FXYD6: variants seen among roughly 807,000 people sequenced by gnomAD.
FXYD6 encodes FXYD domain containing ion transport regulator 6.
In FXYD6, 7 loss-of-function variants were observed where a neutral mutation model predicts 16.7. The observed-to-expected ratio is 0.42, with a 90% CI of 0.24 to 0.79. The LOEUF (loss-of-function observed/expected upper bound fraction) is 0.79, where lower values mean the gene tolerates loss of function less well. Among genes scored for constraint, FXYD6 ranks in the 30% least tolerant of loss-of-function variants. FXYD6 has a pLI of 0.28. For synonymous variants in FXYD6, 49 were observed against 43.0 expected (o/e 1.14, Z -0.54); for missense variants, 111 against 116.2 (o/e 0.95, Z 0.21).
chr11:117,856,072 T>C (rs2056719528), intron 1 of FXYD6, among the ~76,000 whole-genome samples: 1 of 152,162 alleles, frequency 6.6e-6, no homozygotes, highest in Non-Finnish European at 1.5e-5. Flanking sequence ...AGCACTTCCA[T>C]GTTAATTTTC....
At chr11:117,842,931 C>T in intron 1 of FXYD6, 150 bp from the exon 2 acceptor site, 1 of 766,472 alleles carries the variant, frequency 1.3e-6, no homozygotes, top group Non-Finnish European at 2.1e-6. Context: ...TAAGCACAAG[C>T]AGTTGACTTT....
chr11:117,871,764 G>C lies in FXYD6; in HGVS notation c.-6+4828C>G, dbSNP rs1301231734. 2.0e-5 allele frequency among the ~76,000 whole-genome samples: 3 copies of C among 152,236 alleles called. No individual in the cohort carries two copies. The East Asian group carries it at 5.8e-4, about 29-fold the overall frequency. Reference sequence around the variant, plus strand: ...GCATGCTGAGCCCTTTACACAGCTCGCCTCATACTGTCCTCACACTCATTT... The same window carrying C: ...GCATGCTGAGCCCTTTACACAGCTCCCCTCATACTGTCCTCACACTCATTT... On this transcript the variant is annotated intron_variant, in intron 1 of 7. Transcript: ENST00000526014.
chr11:117,846,469 A>G (rs2056472565), intron 1 of FXYD6, among the ~76,000 whole-genome samples: 1 of 152,224 alleles, frequency 6.6e-6, no homozygotes, highest in Non-Finnish European at 1.5e-5. Flanking sequence ...CCCTGAGGTC[A>G]GAGTTTTCAT....
At chr11:117,845,647 C>T (rs1012061357) in intron 1 of FXYD6, among the ~76,000 whole-genome samples, 2 of 152,146 alleles carry the variant, frequency 1.3e-5, no homozygotes, top group African/African-American at 2.4e-5. Flanking sequence ...CTTTTTCCCC[C>T]TCAATTTTAT....
intron 1 of FXYD6, among the ~76,000 whole-genome samples, chr11:117,873,946 T>TC (rs1466576599): frequency 2.0e-5 from 3 of 152,086 alleles, no homozygotes; most frequent in African/African-American, 7.2e-5. Context: ...CCAAAGGCTC[T>TC]CCCTCCATAG....
chr11:117,849,339 C>T (rs1310306228), intron 1 of FXYD6, among the ~76,000 whole-genome samples: 2 of 152,170 alleles, frequency 1.3e-5, no homozygotes, highest in Non-Finnish European at 2.9e-5. Flanking sequence ...AACTTAAGTG[C>T]ACCAAGGTCA....
intron 1 of FXYD6, among the ~76,000 whole-genome samples, chr11:117,853,429 G>A (rs1277150273): frequency 6.6e-6 from 1 of 152,210 alleles, no homozygotes; most frequent in Non-Finnish European, 1.5e-5. Context: ...ATGTCAATGA[G>A]GGTGCATTCT....
At chr11:117,840,615 C>T (rs1378948709) in intron 5 of FXYD6, among the ~76,000 whole-genome samples, 5 of 152,168 alleles carry the variant, frequency 3.3e-5, no homozygotes, top group Non-Finnish European at 1.5e-5. Flanking sequence ...AGGCTAGGGC[C>T]ACATGGGGGC....
chr11:117,862,555 G>GAAAGA (rs2056930875), intron 1 of FXYD6, among the ~76,000 whole-genome samples: 1 of 152,136 alleles, frequency 6.6e-6, no homozygotes, highest in Non-Finnish European at 1.5e-5. Context: ...CAGGAGCTGC[G>GAAAGA]GCTATCCCAG....
At chr11:117,871,262 C>T (rs149704871) in intron 1 of FXYD6, among the ~76,000 whole-genome samples, 3 of 152,282 alleles carry the variant, frequency 2.0e-5, no homozygotes, top group Admixed American at 6.5e-5. Flanking sequence ...ATCTTGGGAA[C>T]GCGTGGTGTG....
chr11:117,853,364 G>T (rs943663048), intron 1 of FXYD6, among the ~76,000 whole-genome samples: 1 of 152,196 alleles, frequency 6.6e-6, no homozygotes, highest in East Asian at 1.9e-4. Flanking sequence ...GTAGTCTCAG[G>T]TTTGGCTTCC....
intron 1 of FXYD6, among the ~76,000 whole-genome samples, chr11:117,861,903 A>G (rs2056915067): frequency 1.3e-5 from 2 of 152,192 alleles, no homozygotes; most frequent in Non-Finnish European, 2.9e-5. Flanking sequence ...CAAACATCCT[A>G]TGTCATCCAG....
chr11:117,862,247 G>C (rs1273138790), intron 1 of FXYD6, among the ~76,000 whole-genome samples: 1 of 152,238 alleles, frequency 6.6e-6, no homozygotes, highest in Non-Finnish European at 1.5e-5. Flanking sequence ...GGTGGAGGCT[G>C]CTGAGAGAAG....
At chr11:117,846,078 C>G (rs1591558094) in intron 1 of FXYD6, among the ~76,000 whole-genome samples, 2 of 152,280 alleles carry the variant, frequency 1.3e-5, no homozygotes, top group East Asian at 3.9e-4. Flanking sequence ...ATCACTGTCC[C>G]CATTACTCTA....
intron 1 of FXYD6, among the ~76,000 whole-genome samples, chr11:117,868,060 C>T (rs542039097): frequency 7.2e-5 from 11 of 152,180 alleles, no homozygotes; most frequent in East Asian, 3.9e-4. Context: ...ACTCCAAGAG[C>T]GCCTGTCGCC....
chr11:117,876,432 GC>G (rs1166053451), intron 1 of FXYD6, among the ~76,000 whole-genome samples, 159 bp downstream of exon 1: 5 of 152,208 alleles, frequency 3.3e-5, no homozygotes, highest in Non-Finnish European at 7.3e-5. Context: ...GTTTCCCGCT[GC>G]CCAGGCGGGG....
chr11:117,873,604 T>C (rs2057187384), intron 1 of FXYD6, among the ~76,000 whole-genome samples: 1 of 152,240 alleles, frequency 6.6e-6, no homozygotes, highest in Non-Finnish European at 1.5e-5. Context: ...TTGACTGGTT[T>C]GCTTCCCTTA....
At chr11:117,856,965 G>A (rs1300188096) in intron 1 of FXYD6, among the ~76,000 whole-genome samples, 1 of 152,158 alleles carries the variant, frequency 6.6e-6, no homozygotes, top group Non-Finnish European at 1.5e-5. Context: ...GCAGAGCAGT[G>A]GCCAGGAGGA....
At chr11:117,861,970 G>A (rs1246859040) in intron 1 of FXYD6, among the ~76,000 whole-genome samples, 1 of 152,246 alleles carries the variant, frequency 6.6e-6, no homozygotes, top group Non-Finnish European at 1.5e-5. Flanking sequence ...TAAAGCAAGG[G>A]ACACATCTTC....
Sources: allele counts gnomAD v4.1 joint callset (sites outside exome capture counted in the v4.1 genomes callset), GRCh38; gene constraint gnomAD v4.1.1; transcripts MANE v1.5; gene names NCBI Gene and HGNC (gene_info 2026-07-23, HGNC 2026-07-21).